TBC1D5: variants seen among roughly 807,000 people sequenced by gnomAD.
TBC1D5 encodes the protein TBC1 domain family, member 5.
TBC1D5 carries 75 observed loss-of-function variants against 100.3 expected under a neutral mutation model. The ratio of observed to expected loss-of-function variants is 0.75; its 90% CI spans 0.62 to 0.91. The LOEUF (loss-of-function observed/expected upper bound fraction) is 0.91, where lower values mean the gene tolerates loss of function less well. Among genes scored for constraint, TBC1D5 ranks in the 40% least tolerant of loss-of-function variants. The probability of loss-of-function intolerance (pLI) is 0.00; values close to 1 mark genes in which losing one functional copy is unlikely to be tolerated. For missense variants in TBC1D5, 910 were observed against 942.4 expected (o/e 0.97, Z 0.45); for synonymous variants, 323 against 325.6 (o/e 0.99, Z 0.09).
In TBC1D5 at chr3:17,271,952, A is replaced by G. The variant is rs77904537; in HGVS notation, c.1246-13361T>C. On this transcript the variant is annotated intron_variant, in intron 15 of 21. Coordinates refer to ENST00000253692, the Ensembl canonical transcript of TBC1D5. The stretch of plus-strand genomic sequence containing the variant: ...CATTAGACTTTCCAAGGCCAATGTG[A>G]AAGGAAAAATCTTAAAGGCAGCTAG... 6.1e-3 allele frequency among the ~76,000 whole-genome samples: 925 copies of G among 152,324 alleles called. 5 individuals carry two copies. Among genetic ancestry groups the G allele is most frequent in the African/African-American group, 0.022 (903 of 41,576 alleles).
At chr3:17,653,563 T>A (rs1189203790) in intron 1 of TBC1D5, among the ~76,000 whole-genome samples, 2 of 152,102 alleles carry the variant, frequency 1.3e-5, no homozygotes, top group Non-Finnish European at 2.9e-5. Context: ...TAAAGAACTA[T>A]CACACACTAG....
At chr3:17,525,682 GTC>G (rs2096124847) in intron 2 of TBC1D5, among the ~76,000 whole-genome samples, 1 of 151,740 alleles carries the variant, frequency 6.6e-6, no homozygotes, top group Non-Finnish European at 1.5e-5. Flanking sequence ...TTCTCAAAAT[GTC>G]TTTCACGATC....
chr3:17,661,524 T>C (rs1471812079), intron 1 of TBC1D5, among the ~76,000 whole-genome samples: 1 of 147,524 alleles, frequency 6.8e-6, no homozygotes, highest in Non-Finnish European at 1.5e-5. Flanking sequence ...TTTTTTTTGA[T>C]GGAGTCTTGC....
intron 1 of TBC1D5, among the ~76,000 whole-genome samples, chr3:17,681,848 C>T (rs1040106802): frequency 2.0e-5 from 3 of 151,474 alleles, no homozygotes; most frequent in East Asian, 1.9e-4. Flanking sequence ...TATTTACGGC[C>T]GCTCCTCATC....
At chr3:17,724,074 A>C (rs1379498331) in intron 1 of TBC1D5, among the ~76,000 whole-genome samples, 2 of 147,118 alleles carry the variant, frequency 1.4e-5, no homozygotes, top group East Asian at 2.0e-4. Flanking sequence ...CCGATTGGCA[A>C]CTTTTTTTTT....
intron 3 of TBC1D5, chr3:17,465,447 G>C (rs979997868): frequency 6.3e-6 from 1 of 158,696 alleles, no homozygotes; most frequent in Non-Finnish European, 1.4e-5. Flanking sequence ...TCTACACTTT[G>C]GTTACCTATG....
chr3:17,272,296 C>G (rs1329211328), intron 15 of TBC1D5, among the ~76,000 whole-genome samples: 1 of 152,048 alleles, frequency 6.6e-6, no homozygotes, highest in Non-Finnish European at 1.5e-5. Flanking sequence ...ACAAATGATA[C>G]ACTGTACTAT....
At chr3:17,451,239 T>C (rs1449364255) in intron 3 of TBC1D5, among the ~76,000 whole-genome samples, 1 of 151,934 alleles carries the variant, frequency 6.6e-6, no homozygotes, top group Non-Finnish European at 1.5e-5. Flanking sequence ...GAACTAAATA[T>C]GGAAAGGAAA....
chr3:17,619,583 A>C (rs2062477828), intron 2 of TBC1D5, among the ~76,000 whole-genome samples: 2 of 152,222 alleles, frequency 1.3e-5, no homozygotes, highest in Non-Finnish European at 1.5e-5. Flanking sequence ...TATCATACAT[A>C]AAAATAAACT....
intron 9 of TBC1D5, among the ~76,000 whole-genome samples, chr3:17,379,985 G>A (rs1336602879): frequency 6.6e-6 from 1 of 151,510 alleles, no homozygotes; most frequent in African/African-American, 2.4e-5. Context: ...AGGTAAGGGC[G>A]AACTACTGTA....
intron 17 of TBC1D5, among the ~76,000 whole-genome samples, chr3:17,226,898 G>A (rs1040567157): frequency 5.3e-5 from 8 of 152,128 alleles, no homozygotes; most frequent in African/African-American, 1.9e-4. Flanking sequence ...CATCTAGGGT[G>A]TACATGTATT....
intron 1 of TBC1D5, chr3:17,644,046 A>C (rs2153702073): frequency 6.6e-6 from 1 of 152,204 alleles, no homozygotes; most frequent in South Asian, 2.1e-4. Context: ...TATACCAGTA[A>C]GGAGATATCT....
chr3:17,170,020 G>C (rs2067015398), intron 19 of TBC1D5, among the ~76,000 whole-genome samples: 1 of 152,212 alleles, frequency 6.6e-6, no homozygotes, highest in African/African-American at 2.4e-5. Flanking sequence ...AGCTCAGGTG[G>C]TAACGCTGGC....
chr3:17,638,437 T>C (rs1018365386), intron 1 of TBC1D5, among the ~76,000 whole-genome samples: 4 of 152,114 alleles, frequency 2.6e-5, no homozygotes, highest in Admixed American at 6.5e-5. Flanking sequence ...CTTTTGTGAC[T>C]GGCTTCTGAG....
chr3:17,341,059 C>G (rs1035734713), intron 13 of TBC1D5, among the ~76,000 whole-genome samples: 3 of 152,098 alleles, frequency 2.0e-5, no homozygotes, highest in Non-Finnish European at 2.9e-5. Flanking sequence ...GAAAAATATG[C>G]AAGTAAATAT....
intron 2 of TBC1D5, among the ~76,000 whole-genome samples, chr3:17,598,562 T>C (rs2060723839): frequency 6.6e-6 from 1 of 152,198 alleles, no homozygotes; most frequent in Admixed American, 6.6e-5. Context: ...GTCTGTCACC[T>C]TTTATCCAAT....
At chr3:17,507,540 C>T (rs2095856739) in intron 3 of TBC1D5, among the ~76,000 whole-genome samples, 1 of 152,012 alleles carries the variant, frequency 6.6e-6, no homozygotes, top group Admixed American at 6.6e-5. Context: ...TTTAAATTCT[C>T]AAAACATGAG....
intron 15 of TBC1D5, among the ~76,000 whole-genome samples, chr3:17,270,509 C>T (rs545231561): frequency 6.6e-6 from 1 of 152,268 alleles, no homozygotes; most frequent in East Asian, 1.9e-4. Flanking sequence ...GGCTCATTTA[C>T]TTCACTGTAA....
intron 18 of TBC1D5, among the ~76,000 whole-genome samples, chr3:17,195,456 C>T (rs537530055): frequency 1.3e-5 from 2 of 152,334 alleles, no homozygotes; most frequent in South Asian, 4.1e-4. Flanking sequence ...TGCGTGCTCT[C>T]CCTTGCTGTT....
Sources: gnomAD v4.1 joint callset for allele counts (sites outside exome capture counted in the v4.1 genomes callset) on GRCh38, gnomAD v4.1.1 for gene constraint, MANE v1.5 for transcripts, NCBI Gene and HGNC (gene_info 2026-07-23, HGNC 2026-07-21) for gene names.